The following OSBPL1A variants were observed in gnomAD, a reference collection of about 807,000 sequenced individuals.
The protein encoded by OSBPL1A is oxysterol-binding protein-related protein 1.
A neutral mutation model predicts 137.1 loss-of-function variants in OSBPL1A; 80 were observed. The ratio of observed to expected loss-of-function variants is 0.58; its 90% CI spans 0.49 to 0.70. The LOEUF is 0.70. Among genes scored for constraint, OSBPL1A ranks in the 30% least tolerant of loss-of-function variants. OSBPL1A has a pLI of 0.00. For synonymous variants in OSBPL1A, 365 were observed against 389.7 expected (o/e 0.94, Z 0.75); for missense variants, 970 against 1,129.4 (o/e 0.86, Z 2.02).
intron 18 of OSBPL1A, among the ~76,000 whole-genome samples, chr18:24,194,307 T>C (rs557570168): frequency 6.6e-6 from 1 of 152,310 alleles, no homozygotes; most frequent in East Asian, 1.9e-4. Context: ...GTAAAATAAA[T>C]GTAACGAGCT....
intron 16 of OSBPL1A, among the ~76,000 whole-genome samples, chr18:24,237,928 C>T (rs2088549928): frequency 6.6e-6 from 1 of 152,208 alleles, no homozygotes; most frequent in African/African-American, 2.4e-5. Context: ...TAATTGACAA[C>T]CCGTCATCAT....
chr18:24,206,384 A>G (rs546748690), intron 17 of OSBPL1A, among the ~76,000 whole-genome samples: 2 of 152,346 alleles, frequency 1.3e-5, no homozygotes, highest in South Asian at 4.1e-4. Flanking sequence ...GCAACTCAGG[A>G]GGGACTCTGA....
chr18:24,166,500 T>C, intron 26 of OSBPL1A, 79 bp downstream of exon 26: 1 of 1,510,112 alleles, frequency 6.6e-7, no homozygotes, highest in Non-Finnish European at 8.8e-7. Flanking sequence ...CCAATGATGC[T>C]AACAATCACC....
chr18:24,384,200 C>T (rs1424851414), intron 1 of OSBPL1A, among the ~76,000 whole-genome samples: 5 of 152,200 alleles, frequency 3.3e-5, no homozygotes, highest in Non-Finnish European at 7.3e-5. Flanking sequence ...AGAAAATAAA[C>T]AACATGAGTG....
At chr18:24,386,656 G>A (rs1461719366) in intron 1 of OSBPL1A, among the ~76,000 whole-genome samples, 1 of 152,162 alleles carries the variant, frequency 6.6e-6, no homozygotes, top group Non-Finnish European at 1.5e-5. Flanking sequence ...TCTTGGAAAT[G>A]AGTTAATAAA....
intron 15 of OSBPL1A, among the ~76,000 whole-genome samples, chr18:24,272,874 T>G (rs747058748): frequency 5.3e-5 from 8 of 152,168 alleles, no homozygotes; most frequent in Non-Finnish European, 1.0e-4. Context: ...TCATGGCATC[T>G]TTGTTTTCAT....
At chr18:24,182,748 G>T (rs907230066) in intron 18 of OSBPL1A, among the ~76,000 whole-genome samples, 1 of 152,054 alleles carries the variant, frequency 6.6e-6, no homozygotes, top group Non-Finnish European at 1.5e-5. Context: ...GAAATAAAAG[G>T]CTCAACTACA....
At chr18:24,323,074 A>G (rs560176594) in intron 7 of OSBPL1A, among the ~76,000 whole-genome samples, 1 of 152,324 alleles carries the variant, frequency 6.6e-6, no homozygotes, top group East Asian at 1.9e-4. Context: ...TCAGAAAATT[A>G]TTTTAAATGC....
At chr18:24,195,941 C>G in intron 18 of OSBPL1A, 184 bp downstream of exon 18, 1 of 567,362 alleles carries the variant, frequency 1.8e-6, no homozygotes, top group Non-Finnish European at 3.1e-6. Context: ...CACACTAAAG[C>G]CATTAGAGCA....
At chr18:24,290,744 A>G (rs1408715905) in intron 14 of OSBPL1A, among the ~76,000 whole-genome samples, 3 of 152,296 alleles carry the variant, frequency 2.0e-5, no homozygotes, top group African/African-American at 7.2e-5. Context: ...AAAATAGATG[A>G]GGCTTTACAG....
rs71163674 is a variant in OSBPL1A at position 24,324,603 on chromosome 18, TAAAAAAAAAAAAAAAAA to T, written c.626-5811_626-5795del. On this transcript the variant is annotated intron_variant, in intron 7 of 27. Transcript: ENST00000319481. ...CCCAATAAAAACATGAATATGAATA[TAAAAAAAAAAAAAAAAA>T]AAAAAAAAAAAAAATTAGCCAGGTG... Among the ~76,000 whole-genome samples the T allele has an allele frequency of 5.3e-4, 3 of 5,654 alleles. 1 individual carries two copies. The highest frequency in any genetic ancestry group is 1.5e-3 in the Admixed American group (1 of 650). The allele number at this position is 5,654 out of a possible 152,430, so 3.7% of individuals were successfully genotyped here.
intron 16 of OSBPL1A, among the ~76,000 whole-genome samples, chr18:24,232,542 G>A (rs1298289697): frequency 4.6e-5 from 7 of 152,144 alleles, no homozygotes; most frequent in South Asian, 2.1e-4. Flanking sequence ...TATACAAACC[G>A]TAGTGTGTGG....
chr18:24,186,261 T>C (rs750433471), intron 18 of OSBPL1A, among the ~76,000 whole-genome samples: 2 of 152,210 alleles, frequency 1.3e-5, no homozygotes, highest in Non-Finnish European at 2.9e-5. Flanking sequence ...TTTGTAATGA[T>C]TTTGGATGTA....
chr18:24,274,921 A>C (rs2089811596), intron 15 of OSBPL1A, among the ~76,000 whole-genome samples: 1 of 152,054 alleles, frequency 6.6e-6, no homozygotes, highest in Non-Finnish European at 1.5e-5. Context: ...AATTAAAAAA[A>C]AAAAAGAAGG....
At chr18:24,198,399 G>T (rs750222266) in intron 17 of OSBPL1A, among the ~76,000 whole-genome samples, 51 of 152,246 alleles carry the variant, frequency 3.3e-4, no homozygotes, top group Admixed American at 2.4e-3. Flanking sequence ...TCATTTTTAT[G>T]CACAAAACTT....
At chr18:24,243,551 A>C (rs994411101) in intron 15 of OSBPL1A, among the ~76,000 whole-genome samples, 2 of 152,178 alleles carry the variant, frequency 1.3e-5, no homozygotes, top group Non-Finnish European at 2.9e-5. Context: ...GAGGCCCATA[A>C]ATATCCAGTC....
chr18:24,221,493 TATC>T (rs1201687430), intron 17 of OSBPL1A, among the ~76,000 whole-genome samples: 3 of 152,228 alleles, frequency 2.0e-5, no homozygotes, highest in Non-Finnish European at 4.4e-5. Context: ...AAAAAGTCCC[TATC>T]ATATTTCTGT....
chr18:24,358,216 G>A (rs993234794), intron 4 of OSBPL1A: 8 of 495,258 alleles, frequency 1.6e-5, no homozygotes, highest in African/African-American at 1.4e-4. Context: ...ATGGTATCCA[G>A]GGGCTCAGAC....
intron 13 of OSBPL1A, among the ~76,000 whole-genome samples, chr18:24,307,956 A>AT (rs1285704425): frequency 7.4e-6 from 1 of 135,130 alleles, no homozygotes; most frequent in Non-Finnish European, 1.6e-5. Flanking sequence ...TGCCTTTCTA[A>AT]TTTTTGTATT....
Sources: gnomAD v4.1 joint callset for allele counts (sites outside exome capture counted in the v4.1 genomes callset) on GRCh38, gnomAD v4.1.1 for gene constraint, MANE v1.5 for transcripts, NCBI Gene and HGNC (gene_info 2026-07-23, HGNC 2026-07-21) for gene names.